The following NEGR1 variants were observed in gnomAD, a reference collection of about 807,000 sequenced individuals.
NEGR1 encodes the protein neuronal growth regulator 1.
A neutral mutation model predicts 40.9 loss-of-function variants in NEGR1; 10 were observed. The ratio of observed to expected loss-of-function variants is 0.24; its 90% CI spans 0.15 to 0.42. NEGR1 has a LOEUF of 0.42. NEGR1 is among the 10% of genes least tolerant of loss of function. The pLI, the probability that NEGR1 is intolerant of heterozygous loss-of-function variation, is 1.00. For missense variants in NEGR1, 352 were observed against 438.9 expected, an observed-to-expected ratio of 0.80 and a Z score of 1.77; for synonymous variants, 185 against 166.8, an observed-to-expected ratio of 1.11 and a Z score of -0.84.
intron 2 of NEGR1, among the ~76,000 whole-genome samples, chr1:71,796,328 G>T (rs752654704): frequency 6.6e-6 from 1 of 152,104 alleles, no homozygotes; most frequent in Non-Finnish European, 1.5e-5. Context: ...TTGAGAAAAA[G>T]ATACTCTGTT....
intron 2 of NEGR1, among the ~76,000 whole-genome samples, chr1:71,873,038 C>T (rs1660323542): frequency 6.9e-6 from 1 of 144,244 alleles, no homozygotes; most frequent in Non-Finnish European, 1.5e-5. Context: ...CATACTATTT[C>T]TTGCTCTACC....
At chr1:71,750,056 C>A (rs1655517978) in intron 3 of NEGR1, among the ~76,000 whole-genome samples, 1 of 149,446 alleles carries the variant, frequency 6.7e-6, no homozygotes, top group Non-Finnish European at 1.5e-5. Context: ...TGCAGTGGCG[C>A]AATCTCGGCT....
intron 4 of NEGR1, among the ~76,000 whole-genome samples, chr1:71,653,200 T>C (rs2101583955): frequency 6.6e-6 from 1 of 152,364 alleles, no homozygotes; most frequent in South Asian, 2.1e-4. Flanking sequence ...ATGGTGACTG[T>C]AAACAGTCTA....
intron 2 of NEGR1, among the ~76,000 whole-genome samples, chr1:71,866,084 C>G (rs1570446277): frequency 1.3e-5 from 2 of 151,158 alleles, no homozygotes; most frequent in African/African-American, 2.4e-5. Flanking sequence ...TAAACAAACA[C>G]AAAAAAAGCC....
intron 2 of NEGR1, among the ~76,000 whole-genome samples, chr1:71,812,172 T>A (rs183995808): frequency 7.7e-4 from 117 of 152,198 alleles, no homozygotes; most frequent in South Asian, 4.1e-3. Context: ...TTTGTGTTAG[T>A]TTGCTGACGG....
Position 71,941,915 on chromosome 1 carries a change from C to T in NEGR1, c.177-6604G>A, listed in dbSNP as rs547030785. On this transcript the variant is annotated intron_variant, in intron 1 of 6. Transcript: ENST00000357731. ...ATGCATCTGTTAGTTAAGTAACTAA[C>T]AGATGACTTGCTTATTAACATTTGT... 3.9e-5 allele frequency among the ~76,000 whole-genome samples: 6 copies of T among 151,944 alleles called. No individual in the cohort carries two copies. The East Asian group carries it at 1.2e-3, about 29-fold the overall frequency.
intron 1 of NEGR1, among the ~76,000 whole-genome samples, chr1:71,989,129 A>T (rs1178730585): frequency 2.0e-5 from 3 of 152,158 alleles, no homozygotes; most frequent in Non-Finnish European, 2.9e-5. Flanking sequence ...CTAAAAGAGA[A>T]GGGAAAGTGG....
chr1:71,586,550 C>T (rs1048864018), intron 6 of NEGR1, among the ~76,000 whole-genome samples: 9 of 152,094 alleles, frequency 5.9e-5, no homozygotes, highest in African/African-American at 1.4e-4. Context: ...AATTGACAAA[C>T]GTAACTAAAG....
rs1303090217 is a variant in NEGR1 at position 71,424,378 on chromosome 1, G to A, written c.941-16808C>T. ...ATAAATGGATTTAGTATGTACCTGTGCACAGAATTACCTCAGTGTCACAGG... is the reference window on the plus strand; with the variant it reads ...ATAAATGGATTTAGTATGTACCTGTACACAGAATTACCTCAGTGTCACAGG... On this transcript the variant is annotated intron_variant, in intron 6 of 6. Coordinates refer to ENST00000357731, the MANE Select transcript of NEGR1 (RefSeq NM_173808.3). 3.3e-5 allele frequency among the ~76,000 whole-genome samples: 5 copies of A among 152,226 alleles called. No homozygotes were observed. In the East Asian group the frequency reaches 9.6e-4, roughly 29 times the overall value.
At chr1:71,693,233 GTATTAGAAGTA>G (rs1232318030) in intron 4 of NEGR1, among the ~76,000 whole-genome samples, 1 of 151,662 alleles carries the variant, frequency 6.6e-6, no homozygotes, top group Non-Finnish European at 1.5e-5. Flanking sequence ...GAAAAAAACA[GTATTAGAAGTA>G]TATTAGTCAA....
chr1:72,053,424 T>A (rs1647081120), intron 1 of NEGR1, among the ~76,000 whole-genome samples: 2 of 151,068 alleles, frequency 1.3e-5, no homozygotes, highest in African/African-American at 4.8e-5. Context: ...CTTTATACAA[T>A]ATTTCCATGA....
intron 1 of NEGR1, among the ~76,000 whole-genome samples, chr1:72,092,744 A>G (rs1445179961): frequency 6.6e-6 from 1 of 151,844 alleles, no homozygotes; most frequent in Admixed American, 6.6e-5. Flanking sequence ...CGACCTCCCC[A>G]GGCTTGGGTG....
chr1:72,074,380 T>C (rs930080320), intron 1 of NEGR1, among the ~76,000 whole-genome samples: 3 of 152,092 alleles, frequency 2.0e-5, no homozygotes, highest in African/African-American at 7.2e-5. Context: ...TAGTTATACT[T>C]ATATTAATAT....
At chr1:71,479,422 C>A (rs1287548981) in intron 6 of NEGR1, among the ~76,000 whole-genome samples, 1 of 151,894 alleles carries the variant, frequency 6.6e-6, no homozygotes, top group African/African-American at 2.4e-5. Context: ...TGGATATAAT[C>A]CAAATAAATT....
At chr1:72,070,709 AAT>A (rs1647425602) in intron 1 of NEGR1, among the ~76,000 whole-genome samples, 1 of 152,026 alleles carries the variant, frequency 6.6e-6, no homozygotes, top group East Asian at 1.9e-4. Flanking sequence ...AGTCAAGGAA[AAT>A]ATATAACATG....
intron 3 of NEGR1, among the ~76,000 whole-genome samples, chr1:71,764,743 A>G (rs1373814196): frequency 6.6e-6 from 1 of 152,212 alleles, no homozygotes; most frequent in Non-Finnish European, 1.5e-5. Flanking sequence ...CTACATGAGA[A>G]GTTGCTGAAT....
At chr1:71,936,382 T>C (rs1032109612) in intron 1 of NEGR1, among the ~76,000 whole-genome samples, 2 of 152,170 alleles carry the variant, frequency 1.3e-5, no homozygotes, top group Admixed American at 6.5e-5. Flanking sequence ...AGTTTTAGTC[T>C]AGCGAGGAAG....
At chr1:71,938,236 T>C (rs1370722934) in intron 1 of NEGR1, among the ~76,000 whole-genome samples, 1 of 152,114 alleles carries the variant, frequency 6.6e-6, no homozygotes, top group Non-Finnish European at 1.5e-5. Flanking sequence ...CAAATTACCA[T>C]ACATGGAATT....
At chr1:72,040,015 C>G (rs1400547262) in intron 1 of NEGR1, among the ~76,000 whole-genome samples, 2 of 151,884 alleles carry the variant, frequency 1.3e-5, no homozygotes, top group East Asian at 1.9e-4. Context: ...AAATACGTGT[C>G]TAATGTGAGG....
Sources: gnomAD v4.1 joint callset for allele counts (sites outside exome capture counted in the v4.1 genomes callset) on GRCh38, gnomAD v4.1.1 for gene constraint, MANE v1.5 for transcripts, NCBI Gene and HGNC (gene_info 2026-07-23, HGNC 2026-07-21) for gene names.